RPH3AL: variants seen among roughly 807,000 people sequenced by gnomAD.
RPH3AL encodes the protein rabphilin 3A like (without C2 domains), also known as rab effector Noc2.
RPH3AL carries 38 observed loss-of-function variants against 43.1 expected under a neutral mutation model. The ratio of observed to expected loss-of-function variants is 0.88; its 90% confidence interval spans 0.68 to 1.15. The LOEUF is 1.15. RPH3AL is among the 50% of genes most tolerant of loss of function. The pLI, the probability that RPH3AL is intolerant of heterozygous loss-of-function variation, is 0.00. For synonymous variants in RPH3AL, 189 were observed against 176.3 expected, an observed-to-expected ratio of 1.07 and a Z score of -0.57; for missense variants, 462 against 423.2, an observed-to-expected ratio of 1.09 and a Z score of -0.81.
rs377751396 is a variant in RPH3AL at position 281,901 on chromosome 17, C to T, written c.352-47G>A. 5 of 1,466,996 alleles carry T rather than the reference C, an allele frequency of 3.4e-6. No homozygotes were observed. The African/African-American group carries it at 4.2e-5, about 12-fold the overall frequency. 90.9% of individuals were successfully genotyped at this position (1,466,996 alleles called of 1,614,324 possible). On this transcript the variant is annotated intron_variant, in intron 5 of 9. Coordinates refer to ENST00000331302, the MANE Select transcript of RPH3AL (RefSeq NM_006987.4). ...GTTGTAAAGATTGCAGCCGCTTCCTCCTCCGCCGAGGGGCTCAGACAACTG... is the reference window on the plus strand; with the variant it reads ...GTTGTAAAGATTGCAGCCGCTTCCTTCTCCGCCGAGGGGCTCAGACAACTG...
chr17:304,487 T>C (rs2043412808), intron 5 of RPH3AL, among the ~76,000 whole-genome samples: 2 of 152,176 alleles, frequency 1.3e-5, no homozygotes, highest in Admixed American at 1.3e-4. Context: ...TGTAATCTGC[T>C]GAGGCTCAAA....
Position 283,071 on chromosome 17 carries a change from G to A in RPH3AL, c.352-1217C>T, listed in dbSNP as rs1054169933. 2.0e-5 allele frequency among the ~76,000 whole-genome samples: 3 copies of A among 152,204 alleles called. No homozygotes were observed. The highest frequency in any genetic ancestry group is 2.1e-4 in the South Asian group (1 of 4,828). On this transcript the variant is annotated intron_variant, in intron 5 of 9. Transcript: ENST00000331302. The surrounding 1 kb of genome is among the most constrained non-coding windows in gnomAD (Gnocchi z 4.2). ...TAACCCAGGCAGAGTCTGATTCAGC[G>A]ATCGCTGGCGACTCCTCAGGACTGT... is the stretch of plus-strand genomic sequence containing the variant.
At chr17:253,001 C>G (rs1296022210) in intron 6 of RPH3AL, among the ~76,000 whole-genome samples, 1 of 152,182 alleles carries the variant, frequency 6.6e-6, no homozygotes, top group African/African-American at 2.4e-5. Flanking sequence ...GGAGGAAAAG[C>G]CACATTCCCA....
chr17:299,140 C>A (rs992809822), intron 5 of RPH3AL, among the ~76,000 whole-genome samples: 6 of 152,126 alleles, frequency 3.9e-5, no homozygotes, highest in South Asian at 4.2e-4. Context: ...CACTGGAAAG[C>A]GAATGAGACT....
At chr17:284,865 T>C (rs967995814) in intron 5 of RPH3AL, among the ~76,000 whole-genome samples, 2 of 152,186 alleles carry the variant, frequency 1.3e-5, no homozygotes, top group African/African-American at 4.8e-5. Context: ...GGTCAGGTTC[T>C]GGGGAGGGCT....
chr17:230,009 C>G (rs1317146043), intron 7 of RPH3AL, among the ~76,000 whole-genome samples: 1 of 152,108 alleles, frequency 6.6e-6, no homozygotes, highest in Non-Finnish European at 1.5e-5. Flanking sequence ...CTGACAGCCA[C>G]AGGACTACCT....
chr17:344,379 C>A (rs1254533153), intron 1 of RPH3AL, among the ~76,000 whole-genome samples: 1 of 130,916 alleles, frequency 7.6e-6, no homozygotes, highest in African/African-American at 2.6e-5. Flanking sequence ...CTATCATAAC[C>A]ATCACCACCA....
intron 5 of RPH3AL, among the ~76,000 whole-genome samples, chr17:314,682 C>T (rs1331436978): frequency 8.3e-4 from 4 of 4,826 alleles, no homozygotes; most frequent in South Asian, 4.0e-3. Flanking sequence ...GTCTCTGTGA[C>T]TCCACCTCCA....
intron 6 of RPH3AL, among the ~76,000 whole-genome samples, chr17:251,891 G>A (rs782276772): frequency 3.9e-5 from 6 of 152,172 alleles, no homozygotes; most frequent in African/African-American, 7.2e-5. Context: ...AGAACCATCT[G>A]TGAACGGCGG....
intron 7 of RPH3AL, 73 bp downstream of exon 7, chr17:247,038 C>T (rs2151544846): frequency 6.5e-7 from 1 of 1,549,472 alleles, no homozygotes; most frequent in East Asian, 2.2e-5. Context: ...TGGCCTTGTG[C>T]CTGCAAACTG....
chr17:335,621 A>G (rs2044933010), intron 1 of RPH3AL, among the ~76,000 whole-genome samples: 1 of 152,214 alleles, frequency 6.6e-6, no homozygotes, highest in South Asian at 2.1e-4. Flanking sequence ...TCTGGCTGAT[A>G]AAATCCCAAC....
chr17:281,939 A>G (rs189735157), intron 5 of RPH3AL, 85 bp from the exon 6 acceptor site: 4 of 974,360 alleles, frequency 4.1e-6, no homozygotes, highest in African/African-American at 1.6e-5. Context: ...ACGAAGGGAC[A>G]CTTAGCATCT....
intron 6 of RPH3AL, among the ~76,000 whole-genome samples, chr17:275,124 C>G (rs1486298780): frequency 6.6e-6 from 1 of 151,920 alleles, no homozygotes; most frequent in African/African-American, 2.4e-5. Flanking sequence ...AATGTGGACA[C>G]ACCCCATAAT....
At position 328,196 on chromosome 17, in the gene RPH3AL, C is replaced by A. The variant is rs1046318418; in HGVS notation, c.-36-617G>T. On this transcript the variant is annotated intron_variant, in intron 2 of 9. Transcript: ENST00000331302. This position sits in a 1 kb window ranked among gnomAD's most constrained non-coding sequence, Gnocchi z 4.2. ...CCATGAAAATGGCACCTGGGGATCC[C>A]CCAGGGAGGTGGCCCTGCTCCAGGA... Among the ~76,000 whole-genome samples the A allele has an allele frequency of 5.3e-5, 8 of 151,774 alleles. No homozygotes were observed. Among genetic ancestry groups the A allele is most frequent in the African/African-American group, 1.7e-4 (7 of 41,296 alleles).
At chr17:311,668 C>G (rs563150197) in intron 5 of RPH3AL, among the ~76,000 whole-genome samples, 1 of 152,204 alleles carries the variant, frequency 6.6e-6, no homozygotes, top group African/African-American at 2.4e-5. Context: ...ATACGAGTAA[C>G]GAGACAATTA....
In RPH3AL at chr17:319,366, C is replaced by T. The variant is rs77710215; in HGVS notation, c.351+54G>A. The T allele has an allele frequency of 3.1e-3, 4,970 of 1,588,668 alleles. 115 individuals carry two copies. The African/African-American group carries it at 0.057, about 18-fold the overall frequency. On this transcript the variant is annotated intron_variant, in intron 5 of 9. Coordinates refer to ENST00000331302, the MANE Select transcript of RPH3AL (RefSeq NM_006987.4). ...GCCAGGATGCAAAGCCACAGCGCAG[C>T]GGGGCTGGTCCAGGCTGGGAAGCCA...
intron 9 of RPH3AL, 37 bp from the exon 10 acceptor site, chr17:213,960 G>A: frequency 6.6e-7 from 1 of 1,524,442 alleles, no homozygotes; most frequent in Non-Finnish European, 9.0e-7. Context: ...ATGGTGAGCA[G>A]CGGTGGAGTC....
intron 1 of RPH3AL, among the ~76,000 whole-genome samples, chr17:339,288 C>T (rs56149367): frequency 0.012 from 1,819 of 152,324 alleles, 30 homozygotes; most frequent in African/African-American, 0.041. Flanking sequence ...AGAGGGCCAG[C>T]GGAGGGCTCA....
Position 247,285 on chromosome 17 carries a change from C to T in RPH3AL, c.439G>A (p.Val147Ile). Reference protein sequence around the residue: ...LCKICSEQREVWKRSGAWFYK... With the variant: ...LCKICSEQREIWKRSGAWFYK... ...AACCAGGCCCCCGACCTCTTCCAGA[C>T]CTGAGTGGGGGAAGAGAGCTGCTTG... The change falls in exon 7 of 10, where the codon GTC becomes ATC. Residue 147 changes from valine to isoleucine, a missense_variant and splice_region_variant. Physicochemically the swap from Val to Ile is conservative, Grantham distance 29 (BLOSUM62 3). Transcript: ENST00000331302. 1 of 1,570,606 alleles carries T rather than the reference C, an allele frequency of 6.4e-7. No homozygotes were observed. Among genetic ancestry groups the T allele is most frequent in the Non-Finnish European group, 8.6e-7 (1 of 1,156,654 alleles).
Sources: gnomAD v4.1 joint callset for allele counts (sites outside exome capture counted in the v4.1 genomes callset) on GRCh38, gnomAD v4.1.1 for gene constraint, Gnocchi (gnomAD v3.1) non-coding constraint, MANE v1.5 for transcripts, NCBI Gene and HGNC (gene_info 2026-07-23, HGNC 2026-07-21) for gene names.